The following CCDC33 variants were observed in gnomAD, a reference collection of about 807,000 sequenced individuals.
CCDC33 encodes coiled-coil domain-containing protein 33.
A neutral mutation model predicts 91.9 loss-of-function variants in CCDC33; 94 were observed. That is an observed-to-expected ratio of 1.02 (90% CI 0.87 to 1.21). The LOEUF is 1.21. Among genes scored for constraint, CCDC33 ranks in the 50% most tolerant of loss-of-function variants. CCDC33 has a pLI of 0.00. For missense variants in CCDC33, 940 were observed against 935.5 expected, an observed-to-expected ratio of 1.00 and a Z score of -0.06; for synonymous variants, 396 against 374.5, an observed-to-expected ratio of 1.06 and a Z score of -0.66.
At chr15:74,283,820 C>CA (rs56079858) in intron 10 of CCDC33, among the ~76,000 whole-genome samples, 2,253 of 148,318 alleles carry the variant, frequency 0.015, 41 homozygotes, top group South Asian at 0.071. Flanking sequence ...ACACACACAC[C>CA]CCCTCTACAT....
intron 11 of CCDC33, chr15:74,311,837 T>C (rs1452607824): frequency 6.6e-6 from 1 of 152,216 alleles, no homozygotes; most frequent in East Asian, 1.9e-4. Flanking sequence ...GGACAATGAC[T>C]ATGTTTTATC....
At chr15:74,254,908 C>T (rs913230571) in intron 2 of CCDC33, among the ~76,000 whole-genome samples, 1 of 152,044 alleles carries the variant, frequency 6.6e-6, no homozygotes, top group East Asian at 1.9e-4. Context: ...CCAACACACC[C>T]GGCTAATTAT....
intron 5 of CCDC33, 105 bp downstream of exon 5, chr15:74,268,563 T>G: frequency 1.2e-6 from 1 of 827,956 alleles, no homozygotes; most frequent in Non-Finnish European, 2.0e-6. Context: ...GACCTGAGGG[T>G]GTGGAGCAGA....
chr15:74,257,250 C>T (rs960365812), intron 2 of CCDC33, among the ~76,000 whole-genome samples: 3 of 152,258 alleles, frequency 2.0e-5, no homozygotes, highest in African/African-American at 7.2e-5. Context: ...CTGCTCATGC[C>T]TTAAGTGGCA....
intron 11 of CCDC33, chr15:74,299,889 C>A: frequency 6.6e-6 from 1 of 152,510 alleles, no homozygotes; most frequent in Non-Finnish European, 1.5e-5. Context: ...CTCACTCTCT[C>A]GCTCTCCTCA....
chr15:74,205,976 G>T (rs1238695143), intron 1 of CCDC33, among the ~76,000 whole-genome samples: 1 of 152,230 alleles, frequency 6.6e-6, no homozygotes, highest in African/African-American at 2.4e-5. Flanking sequence ...AGTGGAGAAC[G>T]CCTGGTTGGG....
At chr15:74,287,865 C>A (rs2059508943) in intron 10 of CCDC33, among the ~76,000 whole-genome samples, 1 of 152,158 alleles carries the variant, frequency 6.6e-6, no homozygotes, top group South Asian at 2.1e-4. Flanking sequence ...TTCACAAGGC[C>A]AACCTGGCCC....
downstream of CCDC33, chr15:74,336,447 A>G (rs1179176970): frequency 3.1e-6 from 4 of 1,280,556 alleles, no homozygotes; most frequent in East Asian, 5.5e-5. Context: ...CAAAACATCT[A>G]TCATGTCTGA....
In CCDC33 at chr15:74,316,003, CT is replaced by C. The variant is rs1381117892; in HGVS notation, c.1291-14185del. Among the ~76,000 whole-genome samples, 5 of 152,248 alleles carry C rather than the reference CT, an allele frequency of 3.3e-5. No individual in the cohort carries two copies. The East Asian group carries it at 5.8e-4, about 18-fold the overall frequency. On this transcript the variant is annotated intron_variant, in intron 11 of 18. Transcript: ENST00000398814. This position sits in a 1 kb window ranked among gnomAD's most constrained non-coding sequence, Gnocchi z 4.7. ...CACCTGCCCTGTTTCCTGGGACCCC[CT>C]GAAGGAGGACATCCCTTAGCTCCAC... is the stretch of plus-strand genomic sequence containing the variant.
intron 2 of CCDC33, among the ~76,000 whole-genome samples, chr15:74,227,604 C>T (rs1348611372): frequency 6.6e-6 from 1 of 152,182 alleles, no homozygotes; most frequent in African/African-American, 2.4e-5. Context: ...CTCCCTGAAC[C>T]ACTGCTGTTG....
intron 7 of CCDC33, among the ~76,000 whole-genome samples, chr15:74,276,284 C>T (rs1007412179): frequency 3.3e-5 from 5 of 152,304 alleles, no homozygotes; most frequent in Non-Finnish European, 7.4e-5. Flanking sequence ...GGTAGATGGC[C>T]TGTCGGACTT....
In CCDC33 at chr15:74,336,050, C is replaced by T. The variant is rs748650620; in HGVS notation, c.2265C>T (p.Thr755=). The change falls in exon 19 of 19, where the codon ACC becomes ACT. Residue 755 remains threonine, a synonymous_variant. Coordinates refer to ENST00000398814, the MANE Select transcript of CCDC33 (RefSeq NM_025055.5). ...PQKETANSQQ[T] ...AGGAGACCGCTAACTCTCAGCAGACCTGAGCCCCAGAGCAGGCCTCCTTCC... is the reference window on the plus strand; with the variant it reads ...AGGAGACCGCTAACTCTCAGCAGACTTGAGCCCCAGAGCAGGCCTCCTTCC... 42 of 1,613,654 alleles carry T rather than the reference C, an allele frequency of 2.6e-5. No homozygotes were observed. Among genetic ancestry groups the T allele is most frequent in the Non-Finnish European group, 3.2e-5 (38 of 1,180,006 alleles).
chr15:74,254,446 T>C lies in CCDC33; in HGVS notation c.186-7994T>C, dbSNP rs555190816. 2.0e-5 allele frequency among the ~76,000 whole-genome samples: 3 copies of C among 152,342 alleles called. No individual in the cohort carries two copies. The East Asian group carries it at 5.8e-4, about 29-fold the overall frequency. ...GTGAGGATCTCTGGGCCCCTCATTG[T>C]TCCTCTCCTGAACCCTCAACCCAAC... On this transcript the variant is annotated intron_variant, in intron 2 of 18. Coordinates refer to ENST00000398814, the MANE Select transcript of CCDC33 (RefSeq NM_025055.5).
intron 11 of CCDC33, chr15:74,302,097 C>T (rs2059806774): frequency 6.6e-6 from 1 of 152,184 alleles, no homozygotes; most frequent in Non-Finnish European, 1.5e-5. Flanking sequence ...CCCCCTCCCT[C>T]CACCTGTCTC....
chr15:74,281,381 A>G (rs971994399), intron 9 of CCDC33, among the ~76,000 whole-genome samples: 3 of 152,186 alleles, frequency 2.0e-5, no homozygotes, highest in Non-Finnish European at 4.4e-5. Flanking sequence ...CACTTTTTTC[A>G]TAGGGTTGCT....
At chr15:74,222,199 G>C (rs2074617536) in intron 2 of CCDC33, among the ~76,000 whole-genome samples, 1 of 152,248 alleles carries the variant, frequency 6.6e-6, no homozygotes, top group African/African-American at 2.4e-5. Context: ...CCCTCTCCAA[G>C]AGATCCCTGA....
rs377640149 is a variant in CCDC33 at position 74,284,825 on chromosome 15, C to T, written c.1095+2976C>T. 1.4e-4 allele frequency among the ~76,000 whole-genome samples: 21 copies of T among 152,342 alleles called. No individual in the cohort carries two copies. In the East Asian group the frequency reaches 1.9e-3, roughly 14 times the overall value. ...TCAGGTTCCTGCCCCCTTATTGTTG[C>T]GCCTAAGGTGTTGCCTGCAACTTCA... On this transcript the variant is annotated intron_variant, in intron 10 of 18. Coordinates refer to ENST00000398814, the MANE Select transcript of CCDC33 (RefSeq NM_025055.5).
At position 74,296,317 on chromosome 15, in the gene CCDC33, A is replaced by T. The variant is rs543644462; in HGVS notation, c.1290+369A>T. Among the ~76,000 whole-genome samples, 3 of 152,198 alleles carry T rather than the reference A, an allele frequency of 2.0e-5. No individual in the cohort carries two copies. The South Asian group carries it at 6.2e-4, about 32-fold the overall frequency. ...TTCATTTTAGCTTATAACAGGAGAA[A>T]CTGGGGCTCAAAAAAAGAGGACACC... On this transcript the variant is annotated intron_variant, in intron 11 of 18. Transcript: ENST00000398814.
rs1024051845 is a variant in CCDC33 at position 74,305,712 on chromosome 15, C to T, written c.1290+9764C>T. ...CATTCATTCATTTCTGGTACATGCA[C>T]CTACTCATTCATTCATGCATTCATT... On this transcript the variant is annotated intron_variant, in intron 11 of 18. Transcript: ENST00000398814. 2.6e-5 allele frequency among the ~76,000 whole-genome samples: 4 copies of T among 152,320 alleles called. No individual in the cohort carries two copies. In the South Asian group the frequency reaches 6.2e-4, roughly 24 times the overall value.
Sources: allele counts gnomAD v4.1 joint callset (sites outside exome capture counted in the v4.1 genomes callset), GRCh38; gene constraint gnomAD v4.1.1; non-coding constraint Gnocchi (gnomAD v3.1); transcripts MANE v1.5; gene names NCBI Gene and HGNC (gene_info 2026-07-23, HGNC 2026-07-21).